Variants in VPS13B observed in about 807,000 individuals in gnomAD.
The protein encoded by VPS13B is vacuolar protein sorting 13 homolog B, also known as intermembrane lipid transfer protein VPS13B.
Under a neutral mutation model 426.4 loss-of-function variants are expected in VPS13B, and 285 were observed. The observed-to-expected ratio is 0.67, with a 90% CI of 0.61 to 0.74. The LOEUF is 0.74. Ranked by LOEUF, VPS13B falls within the 30% of genes least tolerant of loss-of-function variation. The pLI is 0.00. For synonymous variants in VPS13B, 1,676 were observed against 1,676.4 expected, an observed-to-expected ratio of 1.00 and a Z score of 0.01; for missense variants, 4,537 against 4,782.6, an observed-to-expected ratio of 0.95 and a Z score of 1.51.
chr8:99,403,055 A>G (rs1220003056), intron 21 of VPS13B, among the ~76,000 whole-genome samples: 1 of 152,210 alleles, frequency 6.6e-6, no homozygotes, highest in Admixed American at 6.5e-5. Flanking sequence ...GTGGCAGACT[A>G]CTTATTGAAT....
chr8:99,778,541 A>G lies in VPS13B; in HGVS notation c.7430-141A>G, dbSNP rs1050449753. 115 of 790,900 alleles carry G rather than the reference A, an allele frequency of 1.5e-4. 1 individual carries two copies. Among genetic ancestry groups the G allele is most frequent in the Non-Finnish European group, 7.4e-5 (35 of 475,362 alleles). The allele number at this position is 790,900 out of a possible 1,614,324, so 49.0% of individuals were successfully genotyped here. On this transcript the variant is annotated intron_variant, in intron 41 of 61. Transcript: ENST00000357162. Reference sequence around the variant, plus strand: ...GAATCCAAAGATTATAATATCTTCAATAAATAATTTGAATTTATTAAACAC... The same window carrying G: ...GAATCCAAAGATTATAATATCTTCAGTAAATAATTTGAATTTATTAAACAC...
chr8:99,804,209 G>T, intron 43 of VPS13B: 1 of 152,808 alleles, frequency 6.5e-6, no homozygotes, highest in South Asian at 1.9e-4. Context: ...TTGTGCTGGC[G>T]ACGCAGGATG....
chr8:99,121,211 T>G lies in VPS13B; in HGVS notation c.972T>G (p.Tyr324Ter), dbSNP rs1243094816. The G allele has an allele frequency of 5.6e-6, 9 of 1,614,048 alleles. No individual in the cohort carries two copies. The highest frequency in any genetic ancestry group is 7.6e-6 in the Non-Finnish European group (9 of 1,179,976). ...ATGAAACAAGAATAGATATGCAATATCCTGCTCAGCATAAAGGTCAAGAGT... is the reference window on the plus strand; with the variant it reads ...ATGAAACAAGAATAGATATGCAATAGCCTGCTCAGCATAAAGGTCAAGAGT... ...SEDETRIDMQ[Y>*]PAQHKGQELY... Residue 324 changes from tyrosine to a stop codon, truncating the protein, a stop_gained, in exon 8 of 62, where the codon TAT becomes TAG. Transcript: ENST00000357162. LOFTEE classifies it high-confidence loss of function.
At chr8:99,375,445 G>A (rs571230184) in intron 19 of VPS13B, among the ~76,000 whole-genome samples, 13 of 152,088 alleles carry the variant, frequency 8.5e-5, no homozygotes, top group African/African-American at 1.4e-4. Context: ...TACATCCTAC[G>A]AGAAGAGGAA....
intron 2 of VPS13B, among the ~76,000 whole-genome samples, chr8:99,030,674 G>A (rs1842469570): frequency 6.6e-6 from 1 of 152,118 alleles, no homozygotes; most frequent in South Asian, 2.1e-4. Flanking sequence ...AATATATTAT[G>A]CGTTCAGAAA....
At chr8:99,725,141 A>C (rs1169771915) in intron 39 of VPS13B, among the ~76,000 whole-genome samples, 1 of 152,114 alleles carries the variant, frequency 6.6e-6, no homozygotes, top group Non-Finnish European at 1.5e-5. Flanking sequence ...ATCTTGTAGC[A>C]CTTCATGGTA....
intron 39 of VPS13B, among the ~76,000 whole-genome samples, chr8:99,755,498 G>A (rs557142316): frequency 4.6e-5 from 7 of 152,222 alleles, no homozygotes; most frequent in East Asian, 1.9e-4. Context: ...GGCTGGAGGC[G>A]GTGGCTGATG....
At chr8:99,731,798 T>G (rs1015516962) in intron 39 of VPS13B, among the ~76,000 whole-genome samples, 3 of 152,202 alleles carry the variant, frequency 2.0e-5, no homozygotes, top group Admixed American at 6.5e-5. Flanking sequence ...CAGTGGGATG[T>G]GTGGCAAAAG....
intron 29 of VPS13B, among the ~76,000 whole-genome samples, chr8:99,516,870 A>G (rs555087039): frequency 2.0e-5 from 3 of 151,762 alleles, no homozygotes; most frequent in Admixed American, 1.3e-4. Context: ...ATCTTGCTAC[A>G]TCATACTTTT....
intron 23 of VPS13B, among the ~76,000 whole-genome samples, chr8:99,460,573 T>G (rs945243789): frequency 1.3e-5 from 2 of 152,196 alleles, no homozygotes; most frequent in African/African-American, 2.4e-5. Flanking sequence ...TTCTGTACAT[T>G]GGAGTTAACA....
intron 33 of VPS13B, among the ~76,000 whole-genome samples, chr8:99,627,837 A>G (rs1563832456): frequency 6.6e-6 from 1 of 152,234 alleles, no homozygotes; most frequent in South Asian, 2.1e-4. Flanking sequence ...CTCAAATTAC[A>G]TGCACACATA....
At chr8:99,541,652 G>C (rs933019681) in intron 30 of VPS13B, among the ~76,000 whole-genome samples, 1 of 152,068 alleles carries the variant, frequency 6.6e-6, no homozygotes, top group Non-Finnish European at 1.5e-5. Flanking sequence ...CATTCATGCC[G>C]AAAGTAAATA....
rs1252576777 is a variant in VPS13B, at chr8:99,115,864, A to C, written c.927A>C (p.Gly309=). ...CTTGTCATAATAAAGATATGCTAGG[A>C]AACATTACAGGTAATGTAAAACTTT... ...DLTCHNKDML[G]NITGSEDETR... Residue 309 remains glycine, a synonymous_variant, in exon 7 of 62, where the codon GGA becomes GGC. Coordinates refer to ENST00000357162, the MANE Select transcript of VPS13B (RefSeq NM_152564.5). 1.9e-6 allele frequency: 3 copies of C among 1,612,870 alleles called. No individual in the cohort carries two copies. The African/African-American group carries it at 4.0e-5, about 22-fold the overall frequency.
intron 17 of VPS13B, chr8:99,232,945 G>A (rs1343251907): frequency 3.2e-6 from 2 of 629,010 alleles, no homozygotes; most frequent in African/African-American, 3.7e-5. Context: ...TCCTCAGATG[G>A]TCTTTGGTTT....
intron 13 of VPS13B, among the ~76,000 whole-genome samples, chr8:99,144,901 A>T (rs1810623361): frequency 6.6e-6 from 1 of 152,216 alleles, no homozygotes; most frequent in East Asian, 1.9e-4. Flanking sequence ...AAACAGAAGG[A>T]GGGGAGAGCT....
chr8:99,439,892 C>A (rs963581404), intron 22 of VPS13B, among the ~76,000 whole-genome samples: 1 of 152,080 alleles, frequency 6.6e-6, no homozygotes, highest in African/African-American at 2.4e-5. Context: ...CAAGGACTTA[C>A]AGAGGCATAT....
At chr8:99,251,626 T>C (rs1003841849) in intron 17 of VPS13B, among the ~76,000 whole-genome samples, 13 of 152,166 alleles carry the variant, frequency 8.5e-5, no homozygotes, top group African/African-American at 2.9e-4. Context: ...GGAATCTTTG[T>C]CTATAATTTT....
In VPS13B at chr8:99,876,894, A is replaced by T. The variant is rs562966976; in HGVS notation, c.*1228A>T. The T allele has an allele frequency of 6.6e-6, 1 of 152,292 alleles. No individual in the cohort carries two copies. Among genetic ancestry groups the T allele is most frequent in the African/African-American group, 2.4e-5 (1 of 41,556 alleles). 9.4% of individuals were successfully genotyped at this position (152,292 alleles called of 1,614,324 possible). A position where few individuals can be genotyped will look rare whatever the true frequency, so the allele number is the denominator to read the frequency against. On this transcript the variant is annotated 3_prime_UTR_variant, in exon 62 of 62. Transcript: ENST00000357162. ...GAGAGAGGGTCTCATTCTGTCACCC[A>T]GGCTAGAGTACAGTGGGAACAGTCA...
intron 30 of VPS13B, among the ~76,000 whole-genome samples, chr8:99,552,641 G>C (rs1824342282): frequency 1.3e-5 from 2 of 149,686 alleles, no homozygotes; most frequent in South Asian, 4.2e-4. Context: ...AAATTACCTT[G>C]TCCATTTCTA....
Sources: gnomAD v4.1 joint callset for allele counts (sites outside exome capture counted in the v4.1 genomes callset) on GRCh38, gnomAD v4.1.1 for gene constraint, MANE v1.5 for transcripts, NCBI Gene and HGNC (gene_info 2026-07-23, HGNC 2026-07-21) for gene names.